DAB1: variants seen among roughly 807,000 people sequenced by gnomAD.
DAB1 encodes DAB adaptor protein 1.
DAB1 carries 15 observed loss-of-function variants against 64.6 expected under a neutral mutation model. The observed-to-expected ratio is 0.23, with a 90% CI of 0.16 to 0.36. The LOEUF (loss-of-function observed/expected upper bound fraction) is 0.36. Ranked by LOEUF, DAB1 falls within the 10% of genes least tolerant of loss-of-function variation. The probability of loss-of-function intolerance (pLI) is 1.00; values close to 1 mark genes in which losing one functional copy is unlikely to be tolerated. For missense variants in DAB1, 596 were observed against 706.7 expected (o/e 0.84, Z 1.78); for synonymous variants, 235 against 251.9 (o/e 0.93, Z 0.64).
chr1:58,089,779 C>T (rs1650530989), intron 5 of DAB1, among the ~76,000 whole-genome samples: 1 of 152,212 alleles, frequency 6.6e-6, no homozygotes, highest in Admixed American at 6.5e-5. Context: ...GGGCACTCTA[C>T]ATAATGGCCT....
chr1:58,205,474 GTTCAAGGTC>G (rs1658222275), intron 4 of DAB1, among the ~76,000 whole-genome samples: 2 of 152,190 alleles, frequency 1.3e-5, no homozygotes, highest in African/African-American at 2.4e-5. Context: ...TGCTGCTAGT[GTTCAAGGTC>G]TTCTCACCCA....
chr1:57,236,473 G>T (rs994617894), intron 2 of DAB1, among the ~76,000 whole-genome samples: 1 of 152,092 alleles, frequency 6.6e-6, no homozygotes, highest in South Asian at 2.1e-4. Flanking sequence ...CACAAAGAAC[G>T]TGAAAAGGAG....
intron 2 of DAB1, chr1:58,506,232 C>A (rs1487841446): frequency 1.2e-6 from 1 of 855,350 alleles, no homozygotes; most frequent in Admixed American, 1.7e-5. Flanking sequence ...TTAGTAAAAC[C>A]ACACAATGAG....
chr1:57,903,465 T>C (rs1398256916), intron 5 of DAB1, among the ~76,000 whole-genome samples: 1 of 152,094 alleles, frequency 6.6e-6, no homozygotes, highest in Non-Finnish European at 1.5e-5. Context: ...TGAGTATTCA[T>C]CAAATATTGG....
At chr1:57,682,708 T>C (rs984612678) in intron 6 of DAB1, among the ~76,000 whole-genome samples, 3 of 152,168 alleles carry the variant, frequency 2.0e-5, no homozygotes, top group Middle Eastern at 3.4e-3. Flanking sequence ...AGACAAGGCT[T>C]CAGCCAGGGT....
At chr1:57,466,766 G>A (rs1270144577) in intron 7 of DAB1, among the ~76,000 whole-genome samples, 1 of 152,104 alleles carries the variant, frequency 6.6e-6, no homozygotes, top group Non-Finnish European at 1.5e-5. Flanking sequence ...TAGGAGTGAG[G>A]TCCTGTTTCC....
intron 3 of DAB1, among the ~76,000 whole-genome samples, chr1:58,344,450 G>A (rs1391599679): frequency 2.0e-5 from 3 of 152,132 alleles, no homozygotes; most frequent in Non-Finnish European, 4.4e-5. Context: ...TGTGGTGTGA[G>A]CTTCAGATGA....
intron 1 of DAB1, among the ~76,000 whole-genome samples, chr1:57,392,145 G>A (rs542539950): frequency 3.3e-5 from 5 of 152,192 alleles, no homozygotes; most frequent in South Asian, 4.2e-4. Context: ...AGGCCAAGGC[G>A]GACAGATCAC....
chr1:57,933,956 C>G (rs946971638), intron 5 of DAB1, among the ~76,000 whole-genome samples: 7 of 151,098 alleles, frequency 4.6e-5, no homozygotes, highest in Non-Finnish European at 1.0e-4. Context: ...AGTGCAGTGG[C>G]GCGATCTTGG....
At chr1:57,589,376 A>G (rs1339453901) in intron 7 of DAB1, among the ~76,000 whole-genome samples, 1 of 152,222 alleles carries the variant, frequency 6.6e-6, no homozygotes, top group Non-Finnish European at 1.5e-5. Context: ...TTGGAAAGAT[A>G]AAGGATAATA....
chr1:57,703,932 A>G (rs1646936543), intron 6 of DAB1, among the ~76,000 whole-genome samples: 1 of 152,192 alleles, frequency 6.6e-6, no homozygotes, highest in Admixed American at 6.5e-5. Flanking sequence ...AAACTAACAC[A>G]GGAACAGAAA....
intron 6 of DAB1, among the ~76,000 whole-genome samples, chr1:57,687,247 G>A (rs899888850): frequency 1.3e-5 from 2 of 151,914 alleles, no homozygotes; most frequent in African/African-American, 4.8e-5. Context: ...CTATACACCA[G>A]TAACATTCAA....
intron 5 of DAB1, among the ~76,000 whole-genome samples, chr1:58,072,052 C>A (rs1649296193): frequency 9.5e-6 from 1 of 105,732 alleles, no homozygotes; most frequent in Non-Finnish European, 1.7e-5. Flanking sequence ...AAAAATAAAG[C>A]AGGATAGGGG....
intron 7 of DAB1, among the ~76,000 whole-genome samples, chr1:57,495,258 G>A (rs1644216603): frequency 6.6e-6 from 1 of 152,144 alleles, no homozygotes; most frequent in South Asian, 2.1e-4. Flanking sequence ...ACTATTTTAT[G>A]TACCACCAGG....
chr1:58,081,467 C>T (rs1649992545), intron 5 of DAB1, among the ~76,000 whole-genome samples: 2 of 152,244 alleles, frequency 1.3e-5, no homozygotes, highest in South Asian at 4.1e-4. Flanking sequence ...TGGAACACTT[C>T]TGCCCACCCT....
intron 1 of DAB1, among the ~76,000 whole-genome samples, chr1:57,839,354 C>T (rs1652951366): frequency 6.6e-6 from 1 of 152,088 alleles, no homozygotes. Flanking sequence ...TTGTCTGTGC[C>T]AACATTCCTG....
At chr1:58,246,558 G>A (rs973121929) in intron 4 of DAB1, among the ~76,000 whole-genome samples, 3 of 152,182 alleles carry the variant, frequency 2.0e-5, no homozygotes, top group African/African-American at 7.2e-5. Flanking sequence ...TTTCATATGT[G>A]GTATGGGTTT....
In DAB1 at chr1:58,080,674, T is replaced by G. The variant is rs560750247; in HGVS notation, n.387+69837A>C. Among the ~76,000 whole-genome samples the G allele has an allele frequency of 5.9e-5, 9 of 152,366 alleles. No individual in the cohort carries two copies. In the East Asian group the frequency reaches 1.7e-3, roughly 29 times the overall value. ...CACTGTCGTAGAATTTTAGCAGAGC[T>G]AGTTTTGTCTTGAAGGCTGAGACAC... is the stretch of plus-strand genomic sequence containing the variant. On this transcript the variant is annotated intron_variant and non_coding_transcript_variant, in intron 5 of 20. Coordinates refer to the DAB1 transcript ENST00000485760.
At position 58,095,000 on chromosome 1, in the gene DAB1, C is replaced by G. The variant is rs114997011; in HGVS notation, n.387+55511G>C. On this transcript the variant is annotated intron_variant and non_coding_transcript_variant, in intron 5 of 20. Transcript: ENST00000485760. ...AGAGAAGCATTTTAGGTTTTTGGGACCTTACAGTCTCTATTGCAACTGCCC... is the reference window on the plus strand; with the variant it reads ...AGAGAAGCATTTTAGGTTTTTGGGAGCTTACAGTCTCTATTGCAACTGCCC... 5.9e-3 allele frequency among the ~76,000 whole-genome samples: 894 copies of G among 152,250 alleles called. 9 individuals are homozygous for G. Among genetic ancestry groups the G allele is most frequent in the African/African-American group, 0.021 (853 of 41,534 alleles).
Sources: allele counts gnomAD v4.1 joint callset (sites outside exome capture counted in the v4.1 genomes callset), GRCh38; gene constraint gnomAD v4.1.1; transcripts MANE v1.5; gene names NCBI Gene and HGNC (gene_info 2026-07-23, HGNC 2026-07-21).